Variants in NBEA observed in about 807,000 individuals in gnomAD.
NBEA encodes the protein neurobeachin.
NBEA carries 44 observed loss-of-function variants against 343.4 expected under a neutral mutation model. That is an observed-to-expected ratio of 0.13 (90% CI 0.10 to 0.16). The LOEUF (loss-of-function observed/expected upper bound fraction) is 0.16, where lower values mean the gene tolerates loss of function less well. Among genes scored for constraint, NBEA ranks in the 10% least tolerant of loss-of-function variants. The pLI is 1.00. For synonymous variants in NBEA, 1,175 were observed against 1,238.7 expected (o/e 0.95, Z 1.08); for missense variants, 2,555 against 3,631.3 (o/e 0.70, Z 7.62).
chr13:35,165,118 C>A (rs769236265), intron 24 of NBEA: 7 of 533,822 alleles, frequency 1.3e-5, no homozygotes, highest in Non-Finnish European at 2.3e-5. Flanking sequence ...ATTAGAAACT[C>A]ATCCTTAAGC....
intron 33 of NBEA, among the ~76,000 whole-genome samples, chr13:35,211,929 A>G (rs2073801640): frequency 6.6e-6 from 1 of 152,160 alleles, no homozygotes; most frequent in South Asian, 2.1e-4. Flanking sequence ...ACATTACCTT[A>G]TCTGTCATGA....
At chr13:35,534,624 AC>A (rs535884906) in intron 41 of NBEA, among the ~76,000 whole-genome samples, 1 of 152,192 alleles carries the variant, frequency 6.6e-6, no homozygotes, top group Non-Finnish European at 1.5e-5. Context: ...GAGTGGAAAC[AC>A]CTGAGATAAG....
rs1329914928 is a variant in NBEA at position 35,015,141 on chromosome 13, AAAC to A, written c.295-25789_295-25787del. ...CAACGAGATCTGAAAAAAAAAAAAC[AAAC>A]AAAAAAAAAAAACCACACACAAAGC... is the stretch of plus-strand genomic sequence containing the variant. On this transcript the variant is annotated intron_variant, in intron 1 of 58. Coordinates refer to ENST00000379939, the MANE Select transcript of NBEA (RefSeq NM_001385012.1). 2.3e-3 allele frequency among the ~76,000 whole-genome samples: 27 copies of A among 11,928 alleles called. 6 individuals are homozygous for A. Among genetic ancestry groups the A allele is most frequent in the East Asian group, 6.8e-3 (2 of 294 alleles). 7.8% of individuals were successfully genotyped at this position (11,928 alleles called of 152,430 possible).
intron 41 of NBEA, among the ~76,000 whole-genome samples, chr13:35,549,464 G>C (rs1311336374): frequency 6.6e-6 from 1 of 152,162 alleles, no homozygotes; most frequent in African/African-American, 2.4e-5. Flanking sequence ...TGGTGTATCA[G>C]GAAGGAATGT....
intron 1 of NBEA, among the ~76,000 whole-genome samples, chr13:35,015,065 A>G (rs1459881513): frequency 7.2e-6 from 1 of 138,156 alleles, no homozygotes; most frequent in South Asian, 2.5e-4. Context: ...CCCACTCTCC[A>G]GTGCTTCAGC....
At chr13:35,486,040 A>C (rs2076292270) in intron 41 of NBEA, among the ~76,000 whole-genome samples, 1 of 150,096 alleles carries the variant, frequency 6.7e-6, no homozygotes, top group Non-Finnish European at 1.5e-5. Context: ...TAGGCTGATG[A>C]AATTTTGAGG....
intron 34 of NBEA, among the ~76,000 whole-genome samples, chr13:35,252,238 AG>A (rs1260826243): frequency 1.3e-5 from 2 of 152,114 alleles, no homozygotes; most frequent in African/African-American, 4.8e-5. Context: ...CGCCAAGCAA[AG>A]GGGGAAGAAC....
At chr13:35,438,014 A>G (rs1041159646) in intron 39 of NBEA, among the ~76,000 whole-genome samples, 1 of 152,168 alleles carries the variant, frequency 6.6e-6, no homozygotes. Flanking sequence ...TGTTTCATCA[A>G]AACCTAAGAC....
intron 25 of NBEA, 23 bp downstream of exon 25, chr13:35,169,018 T>TTTTCAGC (rs1443633397): frequency 6.7e-7 from 1 of 1,483,512 alleles, no homozygotes; most frequent in Non-Finnish European, 9.0e-7. Context: ...TTTGTAGTAA[T>TTTTCAGC]TTTCAGCTTT....
chr13:35,284,219 A>G (rs1428642255), intron 34 of NBEA, among the ~76,000 whole-genome samples: 2 of 152,148 alleles, frequency 1.3e-5, no homozygotes, highest in African/African-American at 4.8e-5. Flanking sequence ...GCCCCCTAAT[A>G]TATCTGGTAT....
At chr13:35,342,028 A>C (rs947517176) in intron 36 of NBEA, among the ~76,000 whole-genome samples, 3 of 152,106 alleles carry the variant, frequency 2.0e-5, no homozygotes, top group African/African-American at 7.2e-5. Flanking sequence ...GATATTGTTC[A>C]CCAATAAAAA....
At chr13:35,293,768 AG>A (rs1173209292) in intron 35 of NBEA, among the ~76,000 whole-genome samples, 5 of 152,000 alleles carry the variant, frequency 3.3e-5, no homozygotes, top group Non-Finnish European at 7.4e-5. Flanking sequence ...AGATTTTTTA[AG>A]GAAGTCTCCA....
At chr13:35,571,118 T>A (rs972404605) in intron 45 of NBEA, among the ~76,000 whole-genome samples, 1 of 152,204 alleles carries the variant, frequency 6.6e-6, no homozygotes, top group Non-Finnish European at 1.5e-5. Context: ...TAGCAGTGAA[T>A]AATTCTAGAA....
intron 41 of NBEA, among the ~76,000 whole-genome samples, chr13:35,521,951 A>T (rs1240343883): frequency 2.0e-5 from 3 of 152,168 alleles, no homozygotes; most frequent in African/African-American, 7.2e-5. Context: ...TTGGAGAAAG[A>T]TAGGAAGATT....
At chr13:35,211,212 C>A in intron 33 of NBEA, 33 bp downstream of exon 33, 1 of 1,513,860 alleles carries the variant, frequency 6.6e-7, no homozygotes, top group South Asian at 1.3e-5. Flanking sequence ...CATTTTAACT[C>A]TTTTTAAATG....
Position 35,378,545 on chromosome 13 carries a change from T to C in NBEA, c.6179+26222T>C, listed in dbSNP as rs535178910. Among the ~76,000 whole-genome samples, 3 of 152,230 alleles carry C rather than the reference T, an allele frequency of 2.0e-5. No homozygotes were observed. The South Asian group carries it at 6.2e-4, about 32-fold the overall frequency. The stretch of plus-strand genomic sequence containing the variant: ...TTTAGGTCTTGGGTAAGTGTTATTT[T>C]ACAAGTAAATCAAGTTGATGGATTT... On this transcript the variant is annotated intron_variant, in intron 38 of 58. Coordinates refer to ENST00000379939, the MANE Select transcript of NBEA (RefSeq NM_001385012.1).
intron 41 of NBEA, among the ~76,000 whole-genome samples, chr13:35,539,915 CAAAAAAAAAAAAAA>C (rs71081262): frequency 1.0e-3 from 41 of 39,618 alleles, no homozygotes; most frequent in African/African-American, 4.9e-3. Flanking sequence ...GACTCCGTCT[CAAAAAAAAAAAAAA>C]AAAAAAAAAA....
chr13:35,412,730 A>C (rs190479478), intron 38 of NBEA, among the ~76,000 whole-genome samples: 26 of 152,262 alleles, frequency 1.7e-4, no homozygotes, highest in African/African-American at 6.0e-4. Flanking sequence ...GGAAACAGCT[A>C]TGCTGGTGCT....
At chr13:35,391,417 G>GT (rs1325101646) in intron 38 of NBEA, among the ~76,000 whole-genome samples, 5 of 152,014 alleles carry the variant, frequency 3.3e-5, no homozygotes, top group African/African-American at 9.7e-5. Flanking sequence ...ATTTGAAATT[G>GT]TAGTTATGCA....
Sources: gnomAD v4.1 joint callset for allele counts (sites outside exome capture counted in the v4.1 genomes callset) on GRCh38, gnomAD v4.1.1 for gene constraint, MANE v1.5 for transcripts, NCBI Gene and HGNC (gene_info 2026-07-23, HGNC 2026-07-21) for gene names.